ARHGAP10: variants seen among roughly 807,000 people sequenced by gnomAD.
ARHGAP10 encodes Rho GTPase activating protein 10.
A neutral mutation model predicts 108.6 loss-of-function variants in ARHGAP10; 87 were observed. The observed-to-expected ratio is 0.80, with a 90% CI of 0.67 to 0.96. The LOEUF (loss-of-function observed/expected upper bound fraction) is 0.96. Among genes scored for constraint, ARHGAP10 ranks in the 40% least tolerant of loss-of-function variants. The pLI, the probability that ARHGAP10 is intolerant of heterozygous loss-of-function variation, is 0.00. For missense variants in ARHGAP10, 939 were observed against 954.5 expected, an observed-to-expected ratio of 0.98 and a Z score of 0.21; for synonymous variants, 347 against 341.1, an observed-to-expected ratio of 1.02 and a Z score of -0.19.
intron 13 of ARHGAP10, among the ~76,000 whole-genome samples, chr4:147,929,097 T>C (rs1373259694): frequency 3.9e-5 from 6 of 152,214 alleles, no homozygotes; most frequent in Non-Finnish European, 7.3e-5. Flanking sequence ...TATGTTTGTT[T>C]TTTATTTAAA....
At chr4:147,823,834 T>C (rs1293617690) in intron 3 of ARHGAP10, among the ~76,000 whole-genome samples, 1 of 152,226 alleles carries the variant, frequency 6.6e-6, no homozygotes, top group African/African-American at 2.4e-5. Flanking sequence ...AGTGCTGTGC[T>C]GAGTGCCTTG....
chr4:148,006,401 T>A (rs964305357), intron 18 of ARHGAP10, among the ~76,000 whole-genome samples: 4 of 152,226 alleles, frequency 2.6e-5, no homozygotes, highest in Non-Finnish European at 4.4e-5. Flanking sequence ...ATATGACCCT[T>A]GTCAGCCTGT....
At chr4:147,822,230 C>T (rs886662550) in intron 1 of ARHGAP10, among the ~76,000 whole-genome samples, 33 of 152,262 alleles carry the variant, frequency 2.2e-4, no homozygotes, top group African/African-American at 7.2e-4. Context: ...TTTGAATCTT[C>T]TGGGTTTCTC....
intron 1 of ARHGAP10, among the ~76,000 whole-genome samples, chr4:147,798,102 C>G (rs898049577): frequency 2.6e-5 from 4 of 151,896 alleles, no homozygotes; most frequent in African/African-American, 9.7e-5. Flanking sequence ...TGTAAACATA[C>G]TTTTTGCTTT....
At chr4:147,855,415 CTA>C (rs142230648) in intron 4 of ARHGAP10, among the ~76,000 whole-genome samples, 7,407 of 152,106 alleles carry the variant, frequency 0.049, 577 homozygotes, top group African/African-American at 0.17. Context: ...AAGAGAGTAA[CTA>C]TGTAATATCA....
intron 12 of ARHGAP10, among the ~76,000 whole-genome samples, chr4:147,911,606 C>T (rs533205148): frequency 1.3e-5 from 2 of 149,608 alleles, no homozygotes; most frequent in Admixed American, 6.7e-5. Context: ...TCGTGATCCG[C>T]CCACCTTGGC....
chr4:147,764,223 A>G (rs2126709242), intron 1 of ARHGAP10, among the ~76,000 whole-genome samples: 1 of 152,190 alleles, frequency 6.6e-6, no homozygotes, highest in African/African-American at 2.4e-5. Context: ...GATCGAGCTA[A>G]TTTTGGTGGG....
At chr4:147,827,218 T>C (rs1375637098) in intron 3 of ARHGAP10, among the ~76,000 whole-genome samples, 1 of 152,146 alleles carries the variant, frequency 6.6e-6, no homozygotes, top group African/African-American at 2.4e-5. Flanking sequence ...TGGCTACCTT[T>C]GTTTCTTTAA....
At chr4:147,805,534 A>G (rs1470999542) in intron 1 of ARHGAP10, among the ~76,000 whole-genome samples, 1 of 152,234 alleles carries the variant, frequency 6.6e-6, no homozygotes, top group African/African-American at 2.4e-5. Flanking sequence ...GATAGGAAGA[A>G]CATTGAATCT....
chr4:147,878,895 G>C (rs1480318257), intron 8 of ARHGAP10, among the ~76,000 whole-genome samples: 1 of 150,082 alleles, frequency 6.7e-6, no homozygotes, highest in Non-Finnish European at 1.5e-5. Flanking sequence ...TCCTGCCTCA[G>C]CCTCCCGAGT....
intron 1 of ARHGAP10, among the ~76,000 whole-genome samples, chr4:147,760,468 C>T (rs182732036): frequency 1.2e-4 from 19 of 152,094 alleles, no homozygotes; most frequent in Admixed American, 9.8e-4. Context: ...GTGGACAGAG[C>T]GGCAGATTGG....
At chr4:147,870,889 C>T (rs534484469) in intron 7 of ARHGAP10, among the ~76,000 whole-genome samples, 2 of 151,432 alleles carry the variant, frequency 1.3e-5, no homozygotes, top group South Asian at 2.1e-4. Context: ...ATATTTTTGT[C>T]GCAATGTTCT....
At chr4:147,965,203 C>T (rs185250908) in intron 17 of ARHGAP10, 74 bp downstream of exon 17, 25 of 1,150,178 alleles carry the variant, frequency 2.2e-5, no homozygotes, top group Admixed American at 1.8e-4. Flanking sequence ...GGATTTGTGA[C>T]GGGTGGAACT....
chr4:147,800,099 C>T (rs1014811692), intron 1 of ARHGAP10, among the ~76,000 whole-genome samples: 3 of 152,074 alleles, frequency 2.0e-5, no homozygotes, highest in East Asian at 1.9e-4. Context: ...CTAGGGCTGC[C>T]GTCTCATTTC....
At chr4:147,784,301 A>C (rs1301514362) in intron 1 of ARHGAP10, among the ~76,000 whole-genome samples, 1 of 137,368 alleles carries the variant, frequency 7.3e-6, no homozygotes, top group Non-Finnish European at 1.5e-5. Flanking sequence ...TAATTTACAT[A>C]ACATTAAATT....
intron 3 of ARHGAP10, among the ~76,000 whole-genome samples, chr4:147,840,409 G>GT (rs915256668): frequency 9.9e-5 from 15 of 151,814 alleles, no homozygotes; most frequent in African/African-American, 2.9e-4. Context: ...GAAACATCTA[G>GT]TTTTTTTTAT....
chr4:147,921,304 A>G (rs991528384), intron 13 of ARHGAP10, among the ~76,000 whole-genome samples: 5 of 152,364 alleles, frequency 3.3e-5, no homozygotes, highest in Middle Eastern at 3.4e-3. Flanking sequence ...CTCATAACGT[A>G]TATCAGGAGC....
intron 1 of ARHGAP10, among the ~76,000 whole-genome samples, chr4:147,783,699 TATGTATTGTATAATTTATAGAA>T: frequency 7.8e-6 from 1 of 128,396 alleles, no homozygotes; most frequent in African/African-American, 3.8e-5. Context: ...CACATTAAAT[TATGTATTGTATAATTTATAGAA>T]CACATTAAAT....
At chr4:147,871,849 C>T (rs1316379340) in intron 7 of ARHGAP10, among the ~76,000 whole-genome samples, 2 of 151,906 alleles carry the variant, frequency 1.3e-5, no homozygotes, top group Non-Finnish European at 2.9e-5. Flanking sequence ...GCCTATAATC[C>T]CAGCACTTTG....
Sources: gnomAD v4.1 joint callset for allele counts (sites outside exome capture counted in the v4.1 genomes callset) on GRCh38, gnomAD v4.1.1 for gene constraint, MANE v1.5 for transcripts, NCBI Gene and HGNC (gene_info 2026-07-23, HGNC 2026-07-21) for gene names.